The following RSRP1 variants were observed in gnomAD, a reference collection of about 807,000 sequenced individuals.
RSRP1 encodes arginine and serine rich protein 1, also known as arginine/serine-rich protein 1.
RSRP1 carries 37 observed loss-of-function variants against 33.0 expected under a neutral mutation model. That is an observed-to-expected ratio of 1.12 (90% CI 0.86 to 1.48). The LOEUF (loss-of-function observed/expected upper bound fraction) is 1.48, where lower values mean the gene tolerates loss of function less well. Among genes scored for constraint, RSRP1 ranks in the 40% most tolerant of loss-of-function variants. The probability of loss-of-function intolerance (pLI) is 0.00; values close to 1 mark genes in which losing one functional copy is unlikely to be tolerated. For missense variants in RSRP1, 402 were observed against 385.3 expected, an observed-to-expected ratio of 1.04 and a Z score of -0.36; for synonymous variants, 167 against 158.7, an observed-to-expected ratio of 1.05 and a Z score of -0.40.
upstream of RSRP1, among the ~76,000 whole-genome samples, chr1:25,249,747 T>G (rs547399106): frequency 1.4e-3 from 217 of 152,340 alleles, no homozygotes; most frequent in Non-Finnish European, 2.3e-3. Context: ...CTACCTGAGT[T>G]AAAGTCTGCA....
rs745979861 is a variant in RSRP1 at position 25,315,407 on chromosome 1, T to C, written c.-67+22571A>G. ...GAAGGGGGGATGGCTGCCTGAATGGTTGGGCAGGTAGTTGTTGACATCTGC... is the reference window on the plus strand; with the variant it reads ...GAAGGGGGGATGGCTGCCTGAATGGCTGGGCAGGTAGTTGTTGACATCTGC... On this transcript the variant is annotated intron_variant, in intron 1 of 1. Transcript: ENST00000561867. Among the ~76,000 whole-genome samples the C allele has an allele frequency of 4.6e-5, 6 of 129,662 alleles. 3 individuals carry two copies. Among genetic ancestry groups the C allele is most frequent in the Non-Finnish European group, 7.3e-5 (4 of 55,104 alleles). 85.1% of individuals were successfully genotyped at this position (129,662 alleles called of 152,430 possible). A position where few individuals can be genotyped will look rare whatever the true frequency, so the allele number is the denominator to read the frequency against.
At chr1:25,269,061 C>T (rs1374132024) in intron 1 of RSRP1, among the ~76,000 whole-genome samples, 1 of 130,828 alleles carries the variant, frequency 7.6e-6, no homozygotes, top group Non-Finnish European at 1.8e-5. Flanking sequence ...CCTTGACTTT[C>T]GATGGGGTTA....
chr1:25,275,870 C>G (rs191122253), intron 1 of RSRP1, among the ~76,000 whole-genome samples: 1 of 131,650 alleles, frequency 7.6e-6, no homozygotes, highest in Admixed American at 7.4e-5. Flanking sequence ...ACAGCTTGTA[C>G]GAGGAGAAGT....
At chr1:25,246,129 T>C (rs907393461) in intron 2 of RSRP1, 3 of 318,528 alleles carry the variant, frequency 9.4e-6, no homozygotes, top group East Asian at 5.2e-5. Context: ...TGTTTTGATA[T>C]TGTTCTTCCC....
rs549999093 is a variant in RSRP1, at chr1:25,261,550, G to C, written c.-66-14521C>G. Among the ~76,000 whole-genome samples, 346 of 150,782 alleles carry C rather than the reference G, an allele frequency of 2.3e-3. 1 individual carries two copies. The highest frequency in any genetic ancestry group is 0.017 in the Middle Eastern group (5 of 290). On this transcript the variant is annotated intron_variant, in intron 1 of 1. Transcript: ENST00000561867. ...CTCCCGAGTAGCTGGGCCTACAGGCGCCCGCCACCCTGCCCAGCTAATTTT... is the reference window on the plus strand; with the variant it reads ...CTCCCGAGTAGCTGGGCCTACAGGCCCCCGCCACCCTGCCCAGCTAATTTT...
chr1:25,245,134 A>C lies in RSRP1; in HGVS notation c.672+16T>G. 1.2e-6 allele frequency: 2 copies of C among 1,614,216 alleles called. No individual in the cohort carries two copies. The highest frequency in any genetic ancestry group is 2.2e-5 in the South Asian group (2 of 91,088). ...GCTTTCTGAAAGTTTTGTTCCGACA[A>C]ACCTAGAATACTTACTTCAGGCTTT... On this transcript the variant is annotated intron_variant, in intron 3 of 4. Transcript: ENST00000243189.
chr1:25,293,225 C>T (rs1167019398), intron 1 of RSRP1, among the ~76,000 whole-genome samples: 1 of 129,442 alleles, frequency 7.7e-6, no homozygotes, highest in Non-Finnish European at 1.8e-5. Context: ...GGCAATAATC[C>T]GATAGAGAGG....
At chr1:25,330,251 A>C (rs1045469027) in intron 1 of RSRP1, 1 of 133,200 alleles carries the variant, frequency 7.5e-6, no homozygotes, top group Admixed American at 7.3e-5. Context: ...GCACTTCTTA[A>C]CAGACAATTG....
chr1:25,247,710 ACCGAC>A (rs1274237607), upstream of RSRP1: 1 of 152,282 alleles, frequency 6.6e-6, no homozygotes, highest in Non-Finnish European at 1.5e-5. Flanking sequence ...TAATTGCGGG[ACCGAC>A]CCAGTCACCA....
In RSRP1 at chr1:25,298,966, G is replaced by A. The variant is rs1438402370; in HGVS notation, c.-67+39012C>T. ...TTTTGAGTACAGACCTGAAGGTAAC[G>A]AGTGCACAAGCCATATGGGTACCTG... is the stretch of plus-strand genomic sequence containing the variant. On this transcript the variant is annotated intron_variant, in intron 1 of 1. Transcript: ENST00000561867. Among the ~76,000 whole-genome samples the A allele has an allele frequency of 1.8e-4, 22 of 125,516 alleles. 4 individuals carry two copies. The highest frequency in any genetic ancestry group is 2.7e-5 in the African/African-American group (1 of 36,498). 82.3% of individuals were successfully genotyped at this position (125,516 alleles called of 152,430 possible). A position where few individuals can be genotyped will look rare whatever the true frequency, so the allele number is the denominator to read the frequency against.
intron 1 of RSRP1, among the ~76,000 whole-genome samples, chr1:25,305,519 C>G (rs1315396479): frequency 7.7e-6 from 1 of 129,180 alleles, no homozygotes; most frequent in African/African-American, 2.7e-5. Context: ...ACCTCAGCCT[C>G]CTGAGTAGCT....
At chr1:25,320,880 A>C (rs1437994010) in intron 1 of RSRP1, among the ~76,000 whole-genome samples, 1 of 130,630 alleles carries the variant, frequency 7.7e-6, no homozygotes, top group East Asian at 2.0e-4. Context: ...TGTCTCTGCA[A>C]AAAATACCAA....
At position 25,246,841 on chromosome 1, in the gene RSRP1, T is replaced by C; in HGVS notation, c.123A>G (p.Arg41=). 1 of 1,612,902 alleles carries C rather than the reference T, an allele frequency of 6.2e-7. No individual in the cohort carries two copies. The change falls in exon 2 of 5, where the codon AGA becomes AGG. Residue 41 remains arginine (R), a synonymous_variant. Coordinates refer to ENST00000243189, the MANE Select transcript of RSRP1 (RefSeq NM_020317.5). ...SSRSRSRSFS[R]SSRSHSRVSS... ...AGACGCGGGAATGGGACCGAGAGCT[T>C]CTGGAAAAAGAGCGGCTCCTAGACC...
chr1:25,318,746 G>C (rs1360663479), intron 1 of RSRP1, among the ~76,000 whole-genome samples: 1 of 132,622 alleles, frequency 7.5e-6, no homozygotes, highest in African/African-American at 2.6e-5. Flanking sequence ...GTTGTGTGAC[G>C]TTGGGCATGT....
At chr1:25,266,452 C>T (rs1315906241) in intron 1 of RSRP1, among the ~76,000 whole-genome samples, 1 of 129,074 alleles carries the variant, frequency 7.7e-6, no homozygotes, top group African/African-American at 2.8e-5. Context: ...GATTCCTCCA[C>T]CCTGAGACAT....
intron 1 of RSRP1, chr1:25,254,005 G>A (rs1639872010): frequency 6.6e-6 from 1 of 152,246 alleles, no homozygotes; most frequent in South Asian, 2.1e-4. Flanking sequence ...TCTTAGATCA[G>A]AGATTAGTTG....
At chr1:25,251,618 C>T (rs1425778641), upstream of RSRP1, among the ~76,000 whole-genome samples, 2 of 152,172 alleles carry the variant, frequency 1.3e-5, no homozygotes, top group African/African-American at 2.4e-5. Context: ...ATCCGCCCAC[C>T]TCAACCTCCC....
chr1:25,283,394 G>A lies in RSRP1; in HGVS notation c.-66-36365C>T, dbSNP rs1571598352. Among the ~76,000 whole-genome samples the A allele has an allele frequency of 2.3e-5, 3 of 131,018 alleles. 1 individual carries two copies. Among genetic ancestry groups the A allele is most frequent in the Non-Finnish European group, 5.4e-5 (3 of 55,490 alleles). 86.0% of individuals were successfully genotyped at this position (131,018 alleles called of 152,430 possible). A position where few individuals can be genotyped will look rare whatever the true frequency, so the allele number is the denominator to read the frequency against. On this transcript the variant is annotated intron_variant, in intron 1 of 1. Coordinates refer to the RSRP1 transcript ENST00000561867. ...AAAAATACAAAAATTAGCCGGGCAC[G>A]GTGGCAGGCACCTGTAATCCCAGCT... is the stretch of plus-strand genomic sequence containing the variant.
chr1:25,305,002 T>A lies in RSRP1; in HGVS notation c.-67+32976A>T, dbSNP rs181698400. Among the ~76,000 whole-genome samples, 635 of 132,560 alleles carry A rather than the reference T, an allele frequency of 4.8e-3. 97 individuals carry two copies. Among genetic ancestry groups the A allele is most frequent in the African/African-American group, 0.015 (570 of 38,540 alleles). The allele number at this position is 132,560 out of a possible 152,430, so 87.0% of individuals were successfully genotyped here. A position where few individuals can be genotyped will look rare whatever the true frequency, so the allele number is the denominator to read the frequency against. ...ATCATTCCTTCATTCAACACATACG[T>A]TTTAACACTCATCTTGCTTTTCAAG... On this transcript the variant is annotated intron_variant, in intron 1 of 1. Transcript: ENST00000561867.
Sources: allele counts gnomAD v4.1 joint callset (sites outside exome capture counted in the v4.1 genomes callset), GRCh38; gene constraint gnomAD v4.1.1; transcripts MANE v1.5; gene names NCBI Gene and HGNC (gene_info 2026-07-23, HGNC 2026-07-21).